Variants in OPRM1 observed in about 807,000 individuals in gnomAD.
OPRM1 encodes opioid receptor mu 1, also known as mu-type opioid receptor.
Under a neutral mutation model 31.8 loss-of-function variants are expected in OPRM1, and 27 were observed. The observed-to-expected ratio is 0.85, with a 90% CI of 0.63 to 1.17. OPRM1 has a LOEUF of 1.17. Among genes scored for constraint, OPRM1 ranks in the 50% most tolerant of loss-of-function variants. The pLI is 0.00. For missense variants in OPRM1, 536 were observed against 511.1 expected (o/e 1.05, Z -0.47); for synonymous variants, 196 against 189.9 (o/e 1.03, Z -0.26).
downstream of OPRM1, among the ~76,000 whole-genome samples, chr6:154,135,458 A>C (rs1358181217): frequency 6.6e-6 from 1 of 151,678 alleles, no homozygotes; most frequent in African/African-American, 2.4e-5. Flanking sequence ...CAACAGAGTA[A>C]GACTCCATGT....
At chr6:154,148,947 C>T (rs1216630717) in intron 3 of OPRM1, among the ~76,000 whole-genome samples, 2 of 152,190 alleles carry the variant, frequency 1.3e-5, no homozygotes, top group Non-Finnish European at 1.5e-5. Flanking sequence ...TCCTGGAAAT[C>T]AGAAACAATG....
In OPRM1 at chr6:154,132,060, T is replaced by G. The variant is rs1562500776; in HGVS notation, c.*13339T>G. Among the ~76,000 whole-genome samples, 1 of 152,056 alleles carries G rather than the reference T, an allele frequency of 6.6e-6. No homozygotes were observed. Among genetic ancestry groups the G allele is most frequent in the African/African-American group, 2.4e-5 (1 of 41,400 alleles). On this transcript the variant is annotated 3_prime_UTR_variant, in exon 4 of 4. Coordinates refer to ENST00000330432, the MANE Select transcript of OPRM1 (RefSeq NM_000914.5). ...AAAGCTACTATTTCACATTTCCAGG[T>G]AGGACAGGATGATCAGATGCAGCTT...
chr6:154,082,356 A>T (rs1789356243), intron 1 of OPRM1, among the ~76,000 whole-genome samples: 1 of 152,060 alleles, frequency 6.6e-6, no homozygotes, highest in African/African-American at 2.4e-5. Flanking sequence ...ATATTGAGTG[A>T]TTACATGTAC....
At chr6:154,151,947 G>C (rs77474827) in intron 3 of OPRM1, among the ~76,000 whole-genome samples, 186 of 152,154 alleles carry the variant, frequency 1.2e-3, no homozygotes, top group African/African-American at 4.4e-3. Flanking sequence ...GGCTGAGGTG[G>C]GTGGATCGCT....
chr6:154,098,106 A>G (rs1006104081), intron 3 of OPRM1, among the ~76,000 whole-genome samples: 1 of 152,234 alleles, frequency 6.6e-6, no homozygotes, highest in South Asian at 2.1e-4. Context: ...AAAAATTTTA[A>G]TTAGTGGCTA....
At chr6:154,039,228 C>G (rs1429620376), upstream of OPRM1, 2 of 1,551,626 alleles carry the variant, frequency 1.3e-6, no homozygotes, top group Non-Finnish European at 1.7e-6. Flanking sequence ...CAAAATCCAC[C>G]CCTTTTCCCT....
chr6:154,222,142 T>A (rs2128617560), intron 3 of OPRM1, among the ~76,000 whole-genome samples: 1 of 152,266 alleles, frequency 6.6e-6, no homozygotes, highest in African/African-American at 2.4e-5. Flanking sequence ...CCTTTGTTAG[T>A]AAAGGGAAAT....
At chr6:154,103,785 T>TA (rs1223533816) in intron 3 of OPRM1, among the ~76,000 whole-genome samples, 1 of 152,078 alleles carries the variant, frequency 6.6e-6, no homozygotes, top group African/African-American at 2.4e-5. Flanking sequence ...TTGGTGGGAG[T>TA]GTAGCAGTGA....
chr6:154,102,089 A>G (rs1309610365), intron 3 of OPRM1, among the ~76,000 whole-genome samples: 1 of 152,058 alleles, frequency 6.6e-6, no homozygotes, highest in East Asian at 1.9e-4. Context: ...ATGGGCACAC[A>G]CCATCACACC....
At chr6:154,138,579 T>G (rs1408117615) in intron 3 of OPRM1, among the ~76,000 whole-genome samples, 1 of 152,162 alleles carries the variant, frequency 6.6e-6, no homozygotes, top group Non-Finnish European at 1.5e-5. Context: ...TTTGCAAAAT[T>G]ATGACGGAGA....
chr6:154,017,633 A>G (rs1443281288), intron 1 of OPRM1, among the ~76,000 whole-genome samples: 2 of 152,128 alleles, frequency 1.3e-5, no homozygotes, highest in African/African-American at 2.4e-5. Context: ...GTTCATACCC[A>G]TAAGTTATGA....
chr6:154,072,356 A>T (rs1445498087), intron 1 of OPRM1, among the ~76,000 whole-genome samples: 1 of 152,198 alleles, frequency 6.6e-6, no homozygotes, highest in Admixed American at 6.5e-5. Flanking sequence ...GATAAAACAG[A>T]TACTACTACT....
At position 154,091,079 on chromosome 6, in the gene OPRM1, G is replaced by T. The variant is rs201750403; in HGVS notation, c.771G>T (p.Met257Ile). The T allele has an allele frequency of 5.3e-5, 85 of 1,614,158 alleles. No homozygotes were observed. Among genetic ancestry groups the T allele is most frequent in the Non-Finnish European group, 4.5e-5 (53 of 1,180,030 alleles). The stretch of plus-strand genomic sequence containing the variant: ...TCATTACCGTGTGCTATGGACTGAT[G>T]ATCTTGCGCCTCAAGAGTGTCCGCA... The part of the protein sequence containing the change: ...VLIITVCYGL[M>I]ILRLKSVRML... The change falls in exon 3 of 4, where the codon ATG (methionine) becomes ATT (isoleucine). Residue 257 changes from methionine to isoleucine, a missense_variant. Transcript: ENST00000330432.
At chr6:154,165,815 T>A (rs1198162882) in intron 3 of OPRM1, among the ~76,000 whole-genome samples, 1 of 152,244 alleles carries the variant, frequency 6.6e-6, no homozygotes, top group Non-Finnish European at 1.5e-5. Flanking sequence ...TCTCACTGTG[T>A]TGCTTGCTCT....
intron 1 of OPRM1, among the ~76,000 whole-genome samples, chr6:154,019,172 C>A (rs1191303728): frequency 7.1e-6 from 1 of 141,634 alleles, no homozygotes; most frequent in Non-Finnish European, 1.5e-5. Context: ...ACTGTAGTCA[C>A]CCTGTTGTGC....
intron 1 of OPRM1, among the ~76,000 whole-genome samples, chr6:154,082,582 A>G (rs1789417786): frequency 6.6e-6 from 1 of 152,228 alleles, no homozygotes; most frequent in Non-Finnish European, 1.5e-5. Context: ...TATTAAAGAA[A>G]TACCTAGGGC....
intron 1 of OPRM1, chr6:154,086,478 T>C (rs1790600156): frequency 5.9e-6 from 3 of 507,008 alleles, no homozygotes; most frequent in Non-Finnish European, 7.6e-6. Context: ...TACAACATGA[T>C]GTTTTGAAAT....
At chr6:154,202,034 A>G (rs191085127) in intron 3 of OPRM1, among the ~76,000 whole-genome samples, 1 of 152,224 alleles carries the variant, frequency 6.6e-6, no homozygotes, top group East Asian at 1.9e-4. Flanking sequence ...CCTTCTTCCA[A>G]ATCAATATGG....
intron 3 of OPRM1, among the ~76,000 whole-genome samples, chr6:154,242,081 G>A (rs993394201): frequency 2.6e-5 from 4 of 152,142 alleles, no homozygotes; most frequent in Non-Finnish European, 5.9e-5. Flanking sequence ...TATCTTGCTC[G>A]GCTATTATGA....
Sources: allele counts gnomAD v4.1 joint callset (sites outside exome capture counted in the v4.1 genomes callset), GRCh38; gene constraint gnomAD v4.1.1; transcripts MANE v1.5; gene names NCBI Gene and HGNC (gene_info 2026-07-23, HGNC 2026-07-21).